Variants in BORA observed in about 807,000 individuals in gnomAD.
BORA encodes the protein BORA aurora kinase A activator.
A neutral mutation model predicts 55.8 loss-of-function variants in BORA; 26 were observed. The ratio of observed to expected loss-of-function variants is 0.47; its 90% CI spans 0.34 to 0.65. BORA has a LOEUF of 0.65. Ranked by LOEUF, BORA falls within the 30% of genes least tolerant of loss-of-function variation. The probability of loss-of-function intolerance (pLI) is 0.01; values close to 1 mark genes in which losing one functional copy is unlikely to be tolerated. For missense variants in BORA, 568 were observed against 671.5 expected, an observed-to-expected ratio of 0.85 and a Z score of 1.70; for synonymous variants, 201 against 216.9, an observed-to-expected ratio of 0.93 and a Z score of 0.64.
At chr13:72,733,825 T>C (rs7327699) in intron 3 of BORA, among the ~76,000 whole-genome samples, 1,770 of 152,284 alleles carry the variant, frequency 0.012, 39 homozygotes, top group African/African-American at 0.04. Flanking sequence ...TATTAAGCCA[T>C]GAGCAAGTCT....
chr13:72,745,149 T>C lies in BORA; in HGVS notation c.680T>C (p.Phe227Ser). ...GGTGTTCAAACATCACTAGAGATGT[T>C]TTATTCAATAGATTTGTCTCCTGTA... is the stretch of plus-strand genomic sequence containing the variant. The part of the protein sequence containing the change: ...HSGVQTSLEM[F>S]YSIDLSPVKC... The change falls in exon 8 of 12, where the codon TTT (phenylalanine) becomes TCT (serine). Residue 227 changes from phenylalanine to serine, a missense_variant. Phe to Ser is a radical substitution (Grantham distance 155). Transcript: ENST00000390667. 1 of 1,614,146 alleles carries C rather than the reference T, an allele frequency of 6.2e-7. No homozygotes were observed. Among genetic ancestry groups the C allele is most frequent in the Non-Finnish European group, 8.5e-7 (1 of 1,179,976 alleles).
chr13:72,736,896 T>C (rs2032940161), intron 4 of BORA, among the ~76,000 whole-genome samples: 1 of 151,902 alleles, frequency 6.6e-6, no homozygotes, highest in Admixed American at 6.6e-5. Flanking sequence ...TTCTTTACTT[T>C]TGAGTGAACT....
intron 10 of BORA, among the ~76,000 whole-genome samples, chr13:72,749,434 ATATCT>A (rs1351418093): frequency 6.6e-6 from 1 of 152,106 alleles, no homozygotes; most frequent in Non-Finnish European, 1.5e-5. Flanking sequence ...TTCTTGAATA[ATATCT>A]TAGATTTCTC....
chr13:72,743,638 C>A, intron 6 of BORA, 36 bp downstream of exon 6: 2 of 1,502,750 alleles, frequency 1.3e-6, no homozygotes, highest in Non-Finnish European at 1.8e-6. Flanking sequence ...AAGGATGTTC[C>A]ATATTAAGCT....
rs1426620292 is a variant in BORA, at chr13:72,747,049, CAT to C, written c.1423_1424del (p.Met475ValfsTer7). Reference sequence around the variant, plus strand: ...CATTGCCTTCAGTATTGAAAACTCTCATATGTGCATGTCACCTCTTGCTGAAA... The same window carrying C: ...CATTGCCTTCAGTATTGAAAACTCTCATGTGCATGTCACCTCTTGCTGAAA... ...SGIAFSIENS[H>X]MCMSPLAESS... On this transcript the variant is annotated frameshift_variant, in exon 10 of 12. Coordinates refer to ENST00000390667, the MANE Select transcript of BORA (RefSeq NM_024808.5). LOFTEE classifies it high-confidence loss of function. 4.3e-6 allele frequency: 7 copies of C among 1,613,904 alleles called. No homozygotes were observed. Among genetic ancestry groups the C allele is most frequent in the Non-Finnish European group, 5.9e-6 (7 of 1,179,962 alleles).
chr13:72,752,445 G>C (rs998420193), intron 10 of BORA: 3 of 152,168 alleles, frequency 2.0e-5, no homozygotes, highest in African/African-American at 7.2e-5. Context: ...CCCATAGTGT[G>C]GGACAAACTC....
chr13:72,741,675 T>C lies in BORA; in HGVS notation c.389-1862T>C, dbSNP rs370477311. On this transcript the variant is annotated intron_variant, in intron 5 of 11. Coordinates refer to ENST00000390667, the MANE Select transcript of BORA (RefSeq NM_024808.5). ...GGTCTTAAACTTGTCTAAGCCCTTCTAGGGGAAGCAACCAAAACACTTGGA... is the reference window on the plus strand; with the variant it reads ...GGTCTTAAACTTGTCTAAGCCCTTCCAGGGGAAGCAACCAAAACACTTGGA... Among the ~76,000 whole-genome samples the C allele has an allele frequency of 9.9e-5, 15 of 152,248 alleles. No homozygotes were observed. In the East Asian group the frequency reaches 2.1e-3, roughly 22 times the overall value.
At chr13:72,736,958 G>T (rs1593808870) in intron 4 of BORA, among the ~76,000 whole-genome samples, 3 of 125,994 alleles carry the variant, frequency 2.4e-5, no homozygotes, top group Admixed American at 8.2e-5. Flanking sequence ...TCTGGTAATT[G>T]TCTATATCTG....
At chr13:72,739,787 T>G (rs1004360452) in intron 5 of BORA, among the ~76,000 whole-genome samples, 3 of 152,148 alleles carry the variant, frequency 2.0e-5, no homozygotes, top group African/African-American at 7.2e-5. Flanking sequence ...ATAAAAATTT[T>G]ATTACTTACA....
At chr13:72,733,868 A>AT (rs1427687471) in intron 3 of BORA, among the ~76,000 whole-genome samples, 1 of 152,222 alleles carries the variant, frequency 6.6e-6, no homozygotes, top group Non-Finnish European at 1.5e-5. Context: ...ATGGAATACT[A>AT]TGCAGCCACA....
Position 72,728,924 on chromosome 13 carries a change from A to G in BORA, c.-15-2A>G, listed in dbSNP as rs984093047. On this transcript the variant is annotated splice_acceptor_variant, in intron 1 of 11. Transcript: ENST00000390667. LOFTEE classifies it low-confidence loss of function (5UTR_SPLICE). ...ACATGCATACTCTTGATTTCTTTTT[A>G]GTTTTCTCTCTGTGCTATGGGAGAT... 3 of 1,562,376 alleles carry G rather than the reference A, an allele frequency of 1.9e-6. No individual in the cohort carries two copies. Among genetic ancestry groups the G allele is most frequent in the Non-Finnish European group, 2.6e-6 (3 of 1,162,862 alleles).
At chr13:72,730,536 A>G (rs946245498) in intron 2 of BORA, among the ~76,000 whole-genome samples, 14 of 152,200 alleles carry the variant, frequency 9.2e-5, no homozygotes, top group Admixed American at 8.5e-4. Context: ...AGGATCAACT[A>G]TGTTGTGAGC....
In BORA at chr13:72,733,623, G is replaced by A. The variant is rs181685546; in HGVS notation, c.261-1337G>A. On this transcript the variant is annotated intron_variant, in intron 3 of 11. Coordinates refer to ENST00000390667, the MANE Select transcript of BORA (RefSeq NM_024808.5). ...AGCTTACTTGCTATTTGCTAAGCTT[G>A]TTATGTGCTGCCATTTTGACCATGA... Among the ~76,000 whole-genome samples the A allele has an allele frequency of 7.6e-4, 115 of 152,282 alleles. No individual in the cohort carries two copies. The Middle Eastern group carries it at 0.01, about 14-fold the overall frequency.
At position 72,746,930 on chromosome 13, in the gene BORA, A is replaced by T. The variant is rs2033163056; in HGVS notation, c.1301A>T (p.Asp434Val). 7 of 1,614,142 alleles carry T rather than the reference A, an allele frequency of 4.3e-6. No homozygotes were observed. The East Asian group carries it at 1.6e-4, about 36-fold the overall frequency. Reference sequence around the variant, plus strand: ...AGGGAGAAAGACAATAACACTGTGGATATGGTTGATCCTATAGAGATAGCA... The same window carrying T: ...AGGGAGAAAGACAATAACACTGTGGTTATGGTTGATCCTATAGAGATAGCA... The part of the protein sequence containing the change: ...VEREKDNNTV[D>V]MVDPIEIADE... Residue 434 changes from aspartate to valine, a missense_variant, in exon 10 of 12, where the codon GAT becomes GTT. Asp to Val is a radical substitution (Grantham distance 152). Coordinates refer to ENST00000390667, the MANE Select transcript of BORA (RefSeq NM_024808.5).
chr13:72,741,368 TTTTC>T (rs2033029925), intron 5 of BORA, among the ~76,000 whole-genome samples: 1 of 152,224 alleles, frequency 6.6e-6, no homozygotes, highest in Admixed American at 6.5e-5. Context: ...ATTGTTTCAG[TTTTC>T]TTTTTGTCTT....
At chr13:72,755,059 C>A (rs1006978114) in intron 11 of BORA, 92 bp from the exon 12 acceptor site, 6 of 994,576 alleles carry the variant, frequency 6.0e-6, no homozygotes, top group South Asian at 1.3e-5. Flanking sequence ...GCTAAAGAAA[C>A]GTGCTTTTAG....
At chr13:72,740,786 T>C (rs1309560561) in intron 5 of BORA, among the ~76,000 whole-genome samples, 1 of 152,220 alleles carries the variant, frequency 6.6e-6, no homozygotes, top group African/African-American at 2.4e-5. Context: ...ATTTGCACCA[T>C]GAACAATAGT....
intron 5 of BORA, among the ~76,000 whole-genome samples, chr13:72,739,057 G>A (rs1324403231): frequency 6.6e-6 from 1 of 152,146 alleles, no homozygotes; most frequent in Non-Finnish European, 1.5e-5. Context: ...CCAGAGAGGT[G>A]ACCTTGATCA....
intron 10 of BORA, chr13:72,752,205 T>A (rs2033294998): frequency 6.6e-6 from 1 of 152,208 alleles, no homozygotes; most frequent in South Asian, 2.1e-4. Flanking sequence ...GGCTGTGGGA[T>A]CTTAAGGCAA....
Sources: gnomAD v4.1 joint callset for allele counts (sites outside exome capture counted in the v4.1 genomes callset) on GRCh38, gnomAD v4.1.1 for gene constraint, MANE v1.5 for transcripts, NCBI Gene and HGNC (gene_info 2026-07-23, HGNC 2026-07-21) for gene names.